The following CLEC16A variants were observed in gnomAD, a reference collection of about 807,000 sequenced individuals.
CLEC16A encodes the protein C-type lectin domain containing 16A.
A neutral mutation model predicts 109.5 loss-of-function variants in CLEC16A; 51 were observed. That is an observed-to-expected ratio of 0.47 (90% CI 0.37 to 0.59). The LOEUF is 0.59. Ranked by LOEUF, CLEC16A falls within the 20% of genes least tolerant of loss-of-function variation. CLEC16A has a pLI of 0.00. For synonymous variants in CLEC16A, 673 were observed against 564.2 expected, an observed-to-expected ratio of 1.19 and a Z score of -2.73; for missense variants, 1,339 against 1,394.0, an observed-to-expected ratio of 0.96 and a Z score of 0.63.
intron 10 of CLEC16A, among the ~76,000 whole-genome samples, chr16:10,984,117 G>A (rs574490311): frequency 4.6e-4 from 70 of 152,226 alleles, no homozygotes; most frequent in African/African-American, 1.5e-3. Flanking sequence ...GGGCCAGCTC[G>A]CCCTGGGGTA....
rs142408855 is a variant in CLEC16A, at chr16:11,150,725, C to T, written c.2642-15663C>T. ...AGTCCCACAAACTGGGTGGCATAAA[C>T]AGCAGAAATTGATTGTCTCACAGGT... On this transcript the variant is annotated intron_variant, in intron 22 of 23. Coordinates refer to ENST00000409790, the MANE Select transcript of CLEC16A (RefSeq NM_015226.3). 7.9e-5 allele frequency among the ~76,000 whole-genome samples: 12 copies of T among 152,330 alleles called. No homozygotes were observed. The East Asian group carries it at 2.1e-3, about 27-fold the overall frequency.
At chr16:11,129,289 C>G (rs964040661) in intron 22 of CLEC16A, among the ~76,000 whole-genome samples, 2 of 152,162 alleles carry the variant, frequency 1.3e-5, no homozygotes, top group African/African-American at 4.8e-5. Flanking sequence ...CTTGAATAAA[C>G]CCATTGCATA....
chr16:10,953,555 G>A (rs1376341275), intron 1 of CLEC16A, among the ~76,000 whole-genome samples: 1 of 152,102 alleles, frequency 6.6e-6, no homozygotes, highest in Non-Finnish European at 1.5e-5. Flanking sequence ...CTCATCTAAA[G>A]ACCCAGTATA....
At chr16:11,021,037 C>G (rs1434784891) in intron 12 of CLEC16A, among the ~76,000 whole-genome samples, 1 of 152,224 alleles carries the variant, frequency 6.6e-6, no homozygotes, top group Non-Finnish European at 1.5e-5. Flanking sequence ...GCACTACCTT[C>G]CTGTTCATAA....
intron 9 of CLEC16A, among the ~76,000 whole-genome samples, chr16:10,980,105 T>G (rs1039029961): frequency 6.6e-6 from 1 of 152,240 alleles, no homozygotes; most frequent in Non-Finnish European, 1.5e-5. Flanking sequence ...GCTTTTGCAA[T>G]GGCACAGGTA....
chr16:11,008,421 A>T (rs764083099), intron 11 of CLEC16A, among the ~76,000 whole-genome samples: 3 of 152,148 alleles, frequency 2.0e-5, no homozygotes, highest in Non-Finnish European at 2.9e-5. Context: ...TATTGCTGTA[A>T]TTTGAAAAAT....
rs749551593 is a variant in CLEC16A at position 11,003,139 on chromosome 16, C to T, written c.1137C>T (p.Asn379=). The change falls in exon 11 of 24, where the codon AAC becomes AAT. Residue 379 remains asparagine, a synonymous_variant. Transcript: ENST00000409790. ...TETLERSLEM[N]KHKGKRRVQK... ...CACTCGAGCGGTCCCTTGAGATGAA[C>T]AAGCACAAGGGCAAGAGGCGGGTGC... 2 of 1,613,028 alleles carry T rather than the reference C, an allele frequency of 1.2e-6. No individual in the cohort carries two copies. The highest frequency in any genetic ancestry group is 1.7e-6 in the Non-Finnish European group (2 of 1,179,782).
At chr16:11,033,193 T>G (rs955563777) in intron 13 of CLEC16A, among the ~76,000 whole-genome samples, 1 of 152,228 alleles carries the variant, frequency 6.6e-6, no homozygotes, top group Non-Finnish European at 1.5e-5. Context: ...GTCAGATGAC[T>G]CCTGTGATTT....
intron 13 of CLEC16A, among the ~76,000 whole-genome samples, chr16:11,038,006 TG>T (rs2047118483): frequency 6.6e-6 from 1 of 152,126 alleles, no homozygotes; most frequent in Non-Finnish European, 1.5e-5. Flanking sequence ...TTCACTGCAA[TG>T]AAATTTTTTG....
intron 1 of CLEC16A, among the ~76,000 whole-genome samples, chr16:10,947,802 G>C (rs2041470687): frequency 6.6e-6 from 1 of 152,164 alleles, no homozygotes; most frequent in African/African-American, 2.4e-5. Context: ...TTGACCTAGA[G>C]CAGTATGGAT....
intron 5 of CLEC16A, 61 bp downstream of exon 5, chr16:10,971,291 C>T (rs762362514): frequency 1.8e-5 from 22 of 1,211,910 alleles, no homozygotes; most frequent in Non-Finnish European, 2.5e-5. Context: ...AGCACTCACT[C>T]CCGTGTGTGT....
Position 11,042,288 on chromosome 16 carries a change from C to T in CLEC16A, c.1695C>T (p.Ser565=). The T allele has an allele frequency of 1.3e-6, 2 of 1,589,302 alleles. No homozygotes were observed. Among genetic ancestry groups the T allele is most frequent in the Non-Finnish European group, 1.7e-6 (2 of 1,168,306 alleles). ...GKIRLATLEL[S]CLLLKQQVLM... Reference sequence around the variant, plus strand: ...TCCGGCTGGCGACGCTGGAGCTGAGCTGCCTGCTTCTGAAGCAGCAAGTCC... The same window carrying T: ...TCCGGCTGGCGACGCTGGAGCTGAGTTGCCTGCTTCTGAAGCAGCAAGTCC... Residue 565 remains serine, a synonymous_variant, in exon 15 of 24, where the codon AGC becomes AGT. Coordinates refer to ENST00000409790, the MANE Select transcript of CLEC16A (RefSeq NM_015226.3).
At chr16:10,964,372 C>T (rs1009537769) in intron 3 of CLEC16A, among the ~76,000 whole-genome samples, 3 of 152,232 alleles carry the variant, frequency 2.0e-5, no homozygotes, top group African/African-American at 2.4e-5. Flanking sequence ...CTCAGTGGCA[C>T]AGGCCCTTGA....
chr16:11,125,846 G>C, intron 21 of CLEC16A, 133 bp from the exon 22 acceptor site: 1 of 832,496 alleles, frequency 1.2e-6, no homozygotes. Context: ...GAGGCTGCCT[G>C]CCGCCCACTT....
intron 22 of CLEC16A, among the ~76,000 whole-genome samples, chr16:11,152,546 C>G: frequency 6.6e-6 from 1 of 152,254 alleles, no homozygotes; most frequent in East Asian, 1.9e-4. Context: ...CCTGTCAGAG[C>G]AGGGCCAGTG....
intron 19 of CLEC16A, among the ~76,000 whole-genome samples, chr16:11,103,473 A>G (rs980930367): frequency 1.1e-4 from 17 of 152,292 alleles, no homozygotes; most frequent in Non-Finnish European, 2.1e-4. Flanking sequence ...CTAGCTACTC[A>G]GGTGGCTGAC....
intron 22 of CLEC16A, among the ~76,000 whole-genome samples, chr16:11,147,660 A>G (rs1373041555): frequency 6.6e-6 from 1 of 152,236 alleles, no homozygotes; most frequent in Non-Finnish European, 1.5e-5. Context: ...TACACTTTAA[A>G]TGGATTCATT....
intron 15 of CLEC16A, among the ~76,000 whole-genome samples, 188 bp downstream of exon 15, chr16:11,042,551 C>T (rs933416869): frequency 6.6e-6 from 1 of 152,158 alleles, no homozygotes; most frequent in African/African-American, 2.4e-5. Flanking sequence ...TCCTTTCAGC[C>T]GAGACTCGCT....
chr16:11,055,318 A>G (rs950162999), intron 18 of CLEC16A, among the ~76,000 whole-genome samples: 2 of 152,186 alleles, frequency 1.3e-5, no homozygotes, highest in African/African-American at 4.8e-5. Flanking sequence ...GAGTGATCGG[A>G]AGAGCTTCTC....
Sources: allele counts gnomAD v4.1 joint callset (sites outside exome capture counted in the v4.1 genomes callset), GRCh38; gene constraint gnomAD v4.1.1; transcripts MANE v1.5; gene names NCBI Gene and HGNC (gene_info 2026-07-23, HGNC 2026-07-21).